The following NRXN1 variants were observed in gnomAD, a reference collection of about 807,000 sequenced individuals.
NRXN1 encodes the protein neurexin-1.
NRXN1 carries 39 observed loss-of-function variants against 150.9 expected under a neutral mutation model. The ratio of observed to expected loss-of-function variants is 0.26; its 90% CI spans 0.20 to 0.34. NRXN1 has a LOEUF of 0.34. NRXN1 is among the 10% of genes least tolerant of loss of function. The pLI, the probability that NRXN1 is intolerant of heterozygous loss-of-function variation, is 1.00. For missense variants in NRXN1, 1,815 were observed against 1,949.9 expected, an observed-to-expected ratio of 0.93 and a Z score of 1.30; for synonymous variants, 924 against 757.0, an observed-to-expected ratio of 1.22 and a Z score of -3.62.
rs373626168 is a variant in NRXN1 at position 50,538,538 on chromosome 2, C to T, written c.1858G>A (p.Glu620Lys). Reference sequence around the variant, plus strand: ...GGGAAGACAAGGCCAGCTTTATTTTCTGGCAGCCCCCCCAGGTACAACTCA... The same window carrying T: ...GGGAAGACAAGGCCAGCTTTATTTTTTGGCAGCCCCCCCAGGTACAACTCA... ...DDELYLGGLP[E>K]NKAGLVFPTE... Residue 620 changes from glutamate (E) to lysine (K), a missense_variant, in exon 10 of 23, where the codon GAA (glutamate) becomes AAA (lysine). Transcript: ENST00000401669. The T allele has an allele frequency of 3.8e-6, 6 of 1,590,276 alleles. No individual in the cohort carries two copies. The highest frequency in any genetic ancestry group is 5.1e-6 in the Non-Finnish European group (6 of 1,166,274).
intron 21 of NRXN1, among the ~76,000 whole-genome samples, chr2:50,014,928 C>T (rs561632387): frequency 2.6e-5 from 4 of 152,172 alleles, no homozygotes; most frequent in African/African-American, 7.2e-5. Context: ...CTATCACAGC[C>T]GGTGTAGTCA....
intron 5 of NRXN1, among the ~76,000 whole-genome samples, chr2:50,698,595 A>G (rs1488630589): frequency 1.3e-5 from 2 of 152,246 alleles, no homozygotes; most frequent in Non-Finnish European, 2.9e-5. Flanking sequence ...AGTAAACACT[A>G]ATACATATAC....
At chr2:50,564,879 G>T (rs1669622999) in intron 8 of NRXN1, among the ~76,000 whole-genome samples, 1 of 152,144 alleles carries the variant, frequency 6.6e-6, no homozygotes, top group Non-Finnish European at 1.5e-5. Flanking sequence ...GCCAGGGGTT[G>T]CTTAGTTAAC....
chr2:50,449,118 A>C (rs1370207529), intron 17 of NRXN1, among the ~76,000 whole-genome samples: 3 of 152,160 alleles, frequency 2.0e-5, no homozygotes, highest in African/African-American at 7.2e-5. Flanking sequence ...ATTCACAATA[A>C]ATCTTTGATT....
intron 21 of NRXN1, among the ~76,000 whole-genome samples, chr2:49,999,849 G>T (rs917962673): frequency 6.6e-6 from 1 of 152,098 alleles, no homozygotes; most frequent in African/African-American, 2.4e-5. Context: ...AAAATGTAAT[G>T]ACTAACTGCA....
At chr2:50,735,698 C>T (rs768175781) in intron 5 of NRXN1, among the ~76,000 whole-genome samples, 11 of 152,128 alleles carry the variant, frequency 7.2e-5, no homozygotes, top group South Asian at 2.1e-4. Context: ...TAGTCCCATA[C>T]CCAAATGGCT....
intron 21 of NRXN1, among the ~76,000 whole-genome samples, chr2:50,047,085 GAC>G (rs1691925004): frequency 6.6e-6 from 1 of 152,136 alleles, no homozygotes; most frequent in Non-Finnish European, 1.5e-5. Flanking sequence ...AGGATAGTCT[GAC>G]AGTTGGGTGG....
chr2:50,817,839 G>A (rs71411515), intron 5 of NRXN1, among the ~76,000 whole-genome samples: 8,449 of 151,820 alleles, frequency 0.056, 343 homozygotes, highest in Non-Finnish European at 0.09. Context: ...ACTAGGAATA[G>A]AAAAATTACT....
chr2:50,370,901 G>T (rs1280453220), intron 17 of NRXN1, among the ~76,000 whole-genome samples: 4 of 151,986 alleles, frequency 2.6e-5, no homozygotes, highest in Non-Finnish European at 5.9e-5. Context: ...ACTAAAGACA[G>T]TCTTGTGTGA....
chr2:50,441,891 T>C (rs1422272914), intron 17 of NRXN1, among the ~76,000 whole-genome samples: 1 of 152,174 alleles, frequency 6.6e-6, no homozygotes, highest in Admixed American at 6.5e-5. Context: ...CAATTCTGTA[T>C]TGTCAAAAAT....
In NRXN1 at chr2:50,165,547, G is replaced by A. The variant is rs184678209; in HGVS notation, c.3546+71242C>T. 6.5e-3 allele frequency among the ~76,000 whole-genome samples: 983 copies of A among 152,042 alleles called. 3 individuals carry two copies. Among genetic ancestry groups the A allele is most frequent in the Non-Finnish European group, 0.01 (682 of 67,942 alleles). ...TATTTTTAGTAGAAACGAGGTTTCA[G>A]CATGTTGGCCAGGCTGGTCTCCAAC... is the stretch of plus-strand genomic sequence containing the variant. On this transcript the variant is annotated intron_variant, in intron 18 of 22. Coordinates refer to ENST00000401669, the MANE Select transcript of NRXN1 (RefSeq NM_001330078.2).
chr2:50,644,557 C>T (rs1684526934), intron 5 of NRXN1, among the ~76,000 whole-genome samples: 2 of 151,420 alleles, frequency 1.3e-5, no homozygotes, highest in African/African-American at 2.4e-5. Flanking sequence ...TCCTGATGGA[C>T]GGCTATGGAA....
chr2:50,894,185 C>T (rs1448927886), intron 5 of NRXN1, among the ~76,000 whole-genome samples: 1 of 151,372 alleles, frequency 6.6e-6, no homozygotes, highest in Non-Finnish European at 1.5e-5. Context: ...CACATGTATA[C>T]ATATGTAACT....
chr2:50,561,346 G>T (rs907962765), intron 8 of NRXN1, among the ~76,000 whole-genome samples: 1 of 152,116 alleles, frequency 6.6e-6, no homozygotes, highest in African/African-American at 2.4e-5. Context: ...ATGCCTTTTG[G>T]AAATAAATGG....
chr2:50,795,277 C>T (rs1160962433), intron 5 of NRXN1, among the ~76,000 whole-genome samples: 2 of 152,086 alleles, frequency 1.3e-5, no homozygotes, highest in African/African-American at 4.8e-5. Flanking sequence ...GTGATGCTGA[C>T]GCTTGACCCA....
intron 5 of NRXN1, among the ~76,000 whole-genome samples, chr2:50,776,886 ACCGATCCTAGTC>A (rs1455055664): frequency 6.6e-6 from 1 of 152,126 alleles, no homozygotes; most frequent in Non-Finnish European, 1.5e-5. Flanking sequence ...GCCAGTGCCC[ACCGATCCTAGTC>A]CCATTTAAGG....
At chr2:50,966,478 T>C (rs1694105621) in intron 2 of NRXN1, among the ~76,000 whole-genome samples, 1 of 151,790 alleles carries the variant, frequency 6.6e-6, no homozygotes, top group Non-Finnish European at 1.5e-5. Context: ...TTATTAGGCA[T>C]GATGAGGAAA....
chr2:50,786,701 T>C (rs2105561341), intron 5 of NRXN1, among the ~76,000 whole-genome samples: 1 of 152,230 alleles, frequency 6.6e-6, no homozygotes. Flanking sequence ...CGTGTGGCAG[T>C]TCCTCCCTTT....
chr2:50,317,540 G>A (rs1488412238), intron 17 of NRXN1, among the ~76,000 whole-genome samples: 1 of 151,466 alleles, frequency 6.6e-6, no homozygotes, highest in East Asian at 1.9e-4. Flanking sequence ...TTCAAAATGA[G>A]GTTAAAATAA....
Sources: gnomAD v4.1 joint callset for allele counts (sites outside exome capture counted in the v4.1 genomes callset) on GRCh38, gnomAD v4.1.1 for gene constraint, MANE v1.5 for transcripts, NCBI Gene and HGNC (gene_info 2026-07-23, HGNC 2026-07-21) for gene names.